CTNND2: variants seen among roughly 807,000 people sequenced by gnomAD.
CTNND2 encodes catenin delta-2.
A neutral mutation model predicts 144.4 loss-of-function variants in CTNND2; 22 were observed. The observed-to-expected ratio is 0.15, with a 90% confidence interval of 0.11 to 0.22. The LOEUF (loss-of-function observed/expected upper bound fraction) is 0.22. Among genes scored for constraint, CTNND2 ranks in the 10% least tolerant of loss-of-function variants. The pLI is 1.00. For missense variants in CTNND2, 1,353 were observed against 1,618.8 expected (o/e 0.84, Z 2.82); for synonymous variants, 751 against 695.6 (o/e 1.08, Z -1.25).
At chr5:11,436,879 T>C (rs574856487) in intron 3 of CTNND2, among the ~76,000 whole-genome samples, 2 of 152,346 alleles carry the variant, frequency 1.3e-5, no homozygotes, top group Admixed American at 1.3e-4. Flanking sequence ...ATTTTATTAG[T>C]TAATTAGTCA....
chr5:11,162,937 C>T (rs1256716778), intron 11 of CTNND2, among the ~76,000 whole-genome samples: 1 of 150,112 alleles, frequency 6.7e-6, no homozygotes, highest in African/African-American at 2.5e-5. Context: ...ACACACATGT[C>T]TTGACTGACG....
intron 3 of CTNND2, among the ~76,000 whole-genome samples, chr5:11,420,167 CA>C (rs1217577212): frequency 9.2e-5 from 14 of 151,992 alleles, no homozygotes; most frequent in Non-Finnish European, 1.8e-4. Flanking sequence ...GCTAAAAATA[CA>C]AAAAATTAGC....
intron 2 of CTNND2, among the ~76,000 whole-genome samples, chr5:11,598,235 G>A (rs1779615948): frequency 6.6e-6 from 1 of 152,080 alleles, no homozygotes; most frequent in Non-Finnish European, 1.5e-5. Context: ...TTGTCTTCTA[G>A]GAGCCATGGC....
intron 2 of CTNND2, among the ~76,000 whole-genome samples, chr5:11,726,541 G>A (rs756138219): frequency 1.2e-4 from 18 of 152,058 alleles, no homozygotes; most frequent in Admixed American, 9.2e-4. Context: ...CAACATGCAT[G>A]AATTACGCCT....
intron 1 of CTNND2, among the ~76,000 whole-genome samples, chr5:11,792,085 C>T (rs1195290169): frequency 2.0e-5 from 3 of 152,036 alleles, no homozygotes; most frequent in Admixed American, 2.0e-4. Flanking sequence ...AATTTCTCAC[C>T]ATCAATTCTC....
At chr5:11,283,224 A>AT (rs1403882140) in intron 9 of CTNND2, among the ~76,000 whole-genome samples, 3 of 152,000 alleles carry the variant, frequency 2.0e-5, no homozygotes, top group East Asian at 1.9e-4. Context: ...CAAAATTAAG[A>AT]TTTTTTTCCC....
chr5:11,652,024 T>A (rs962220910), intron 2 of CTNND2, among the ~76,000 whole-genome samples: 1 of 152,134 alleles, frequency 6.6e-6, no homozygotes, highest in African/African-American at 2.4e-5. Context: ...TATTTTGCAA[T>A]GTGAGAAGGA....
intron 9 of CTNND2, among the ~76,000 whole-genome samples, chr5:11,254,781 A>C (rs1222016504): frequency 6.6e-6 from 1 of 152,232 alleles, no homozygotes; most frequent in Non-Finnish European, 1.5e-5. Flanking sequence ...ATTATAATGC[A>C]GGGCAGCCTC....
At chr5:11,267,789 G>T (rs1745603340) in intron 9 of CTNND2, among the ~76,000 whole-genome samples, 1 of 152,154 alleles carries the variant, frequency 6.6e-6, no homozygotes. Context: ...AAAAGATTTT[G>T]CCAGTGGCAT....
intron 11 of CTNND2, among the ~76,000 whole-genome samples, chr5:11,166,651 C>A (rs974837710): frequency 6.6e-6 from 1 of 152,118 alleles, no homozygotes; most frequent in Non-Finnish European, 1.5e-5. Flanking sequence ...CCTCCACCCA[C>A]ACCCATTCAC....
intron 1 of CTNND2, among the ~76,000 whole-genome samples, chr5:11,750,651 A>T (rs1160453508): frequency 6.6e-6 from 1 of 151,866 alleles, no homozygotes; most frequent in Non-Finnish European, 1.5e-5. Flanking sequence ...TCTGGATCTT[A>T]GTTTCCTCAT....
At chr5:11,210,328 G>A (rs1411850478) in intron 10 of CTNND2, among the ~76,000 whole-genome samples, 3 of 152,172 alleles carry the variant, frequency 2.0e-5, no homozygotes, top group African/African-American at 4.8e-5. Flanking sequence ...AGCCCAGGGG[G>A]CAGAGGCTGC....
intron 9 of CTNND2, among the ~76,000 whole-genome samples, chr5:11,302,653 C>T (rs936456774): frequency 4.6e-5 from 7 of 152,144 alleles, no homozygotes. Flanking sequence ...TCTCCACTGT[C>T]AGGTAATGGA....
rs1280704422 is a variant in CTNND2, at chr5:11,135,244, A to T, written c.2160-17677T>A. Among the ~76,000 whole-genome samples the T allele has an allele frequency of 3.9e-5, 6 of 152,350 alleles. No homozygotes were observed. The East Asian group carries it at 7.7e-4, about 20-fold the overall frequency. ...ATAATGGTTCTTAGAACTCTGGCAC[A>T]AACTATATATAATGACTTCATGGGG... On this transcript the variant is annotated intron_variant, in intron 12 of 21. Transcript: ENST00000304623.
intron 2 of CTNND2, among the ~76,000 whole-genome samples, chr5:11,612,500 A>G (rs1780380421): frequency 6.6e-6 from 1 of 152,224 alleles, no homozygotes; most frequent in Admixed American, 6.5e-5. Flanking sequence ...ATACACATTA[A>G]GTAAATTTGA....
chr5:11,778,151 T>C (rs954575172), intron 1 of CTNND2, among the ~76,000 whole-genome samples: 5 of 152,098 alleles, frequency 3.3e-5, no homozygotes, highest in African/African-American at 9.7e-5. Flanking sequence ...ATACTGGCAA[T>C]GTTCTAACTA....
At chr5:11,338,649 G>C (rs1753952931) in intron 9 of CTNND2, among the ~76,000 whole-genome samples, 1 of 152,116 alleles carries the variant, frequency 6.6e-6, no homozygotes, top group Non-Finnish European at 1.5e-5. Context: ...AGGCCCCTAT[G>C]CCAGAACCTG....
intron 2 of CTNND2, among the ~76,000 whole-genome samples, chr5:11,672,693 A>G (rs999920129): frequency 1.3e-5 from 2 of 152,044 alleles, no homozygotes. Flanking sequence ...AAGCCAGTGG[A>G]TCTTAGCTTG....
In CTNND2 at chr5:11,390,972, A is replaced by T. The variant is rs73044201; in HGVS notation, c.613-5743T>A. Reference sequence around the variant, plus strand: ...GCAGCTGGGGAGCACATTCAAAGGAAGGCACAGGCCACAGGGCCAGGGCCA... The same window carrying T: ...GCAGCTGGGGAGCACATTCAAAGGATGGCACAGGCCACAGGGCCAGGGCCA... On this transcript the variant is annotated intron_variant, in intron 6 of 21. Coordinates refer to ENST00000304623, the MANE Select transcript of CTNND2 (RefSeq NM_001332.4). Among the ~76,000 whole-genome samples, 1,043 of 152,262 alleles carry T rather than the reference A, an allele frequency of 6.9e-3. 16 individuals are homozygous for T. The highest frequency in any genetic ancestry group is 0.024 in the African/African-American group (1,010 of 41,550).
Sources: gnomAD v4.1 joint callset for allele counts (sites outside exome capture counted in the v4.1 genomes callset) on GRCh38, gnomAD v4.1.1 for gene constraint, MANE v1.5 for transcripts, NCBI Gene and HGNC (gene_info 2026-07-23, HGNC 2026-07-21) for gene names.